TCF7L2: variants seen among roughly 807,000 people sequenced by gnomAD.
The protein encoded by TCF7L2 is transcription factor 7-like 2.
Under a neutral mutation model 77.9 loss-of-function variants are expected in TCF7L2, and 23 were observed. The observed-to-expected ratio is 0.30, with a 90% CI of 0.21 to 0.42. The LOEUF is 0.42. TCF7L2 is among the 10% of genes least tolerant of loss of function. The probability of loss-of-function intolerance (pLI) is 1.00; values close to 1 mark genes in which losing one functional copy is unlikely to be tolerated. For missense variants in TCF7L2, 654 were observed against 793.1 expected (o/e 0.82, Z 2.11); for synonymous variants, 413 against 340.2 (o/e 1.21, Z -2.36).
rs2035113918 is a variant in TCF7L2, at chr10:112,961,265, C to CCT, written c.382-3290_382-3289insTC. Among the ~76,000 whole-genome samples, 3 of 134,918 alleles carry CCT rather than the reference C, an allele frequency of 2.2e-5. No individual in the cohort carries two copies. The South Asian group carries it at 7.8e-4, about 35-fold the overall frequency. 88.5% of individuals were successfully genotyped at this position (134,918 alleles called of 152,430 possible). ...CCCGACCTCAGGTGACCCCCCCCCC[C>CCT]CCAACCTCGGCCTTCCAAAGCGCTG... is the stretch of plus-strand genomic sequence containing the variant. On this transcript the variant is annotated intron_variant, in intron 3 of 13. Transcript: ENST00000627217.
At chr10:113,002,958 A>G (rs1406955978) in intron 4 of TCF7L2, among the ~76,000 whole-genome samples, 4 of 152,198 alleles carry the variant, frequency 2.6e-5, no homozygotes, top group African/African-American at 9.7e-5. Context: ...TGTTCTGTGC[A>G]TGGATATGTG....
At position 113,117,434 on chromosome 10, in the gene TCF7L2, CCT is replaced by C. The variant is rs869299420; in HGVS notation, c.553-23727_553-23726del. Among the ~76,000 whole-genome samples the C allele has an allele frequency of 5.7e-3, 226 of 39,776 alleles. 17 individuals carry two copies. The highest frequency in any genetic ancestry group is 0.01 in the Admixed American group (38 of 3,736). The allele number at this position is 39,776 out of a possible 152,430, so 26.1% of individuals were successfully genotyped here. ...CTCTCTCTCTCTCTCTCTCTCTCTCCCTCTCTCTCTCTCTCTCTCTCTCTTCT... is the reference window on the plus strand; with the variant it reads ...CTCTCTCTCTCTCTCTCTCTCTCTCCCTCTCTCTCTCTCTCTCTCTCTTCT... On this transcript the variant is annotated intron_variant, in intron 5 of 13. Transcript: ENST00000627217.
chr10:113,157,881 T>C, intron 11 of TCF7L2, 140 bp from the exon 12 acceptor site: 1 of 840,902 alleles, frequency 1.2e-6, no homozygotes, highest in Non-Finnish European at 1.9e-6. Flanking sequence ...GGGTTGGAGG[T>C]TGGACAAATA....
At chr10:112,991,562 GA>G (rs2042554248) in intron 4 of TCF7L2, among the ~76,000 whole-genome samples, 1 of 151,104 alleles carries the variant, frequency 6.6e-6, no homozygotes, top group South Asian at 2.1e-4. Context: ...CCCAGGATGA[GA>G]AGAGCCATGG....
intron 5 of TCF7L2, among the ~76,000 whole-genome samples, chr10:113,083,733 T>C (rs984093711): frequency 8.5e-5 from 13 of 152,246 alleles, no homozygotes; most frequent in Non-Finnish European, 1.3e-4. Context: ...GGATGTTACC[T>C]TCTCACCAAT....
At chr10:113,160,435 T>C (rs1214484100) in intron 12 of TCF7L2, among the ~76,000 whole-genome samples, 3 of 152,148 alleles carry the variant, frequency 2.0e-5, no homozygotes, top group African/African-American at 7.2e-5. Flanking sequence ...TTTATTGTTT[T>C]ATTTTATTAT....
chr10:113,107,123 T>C (rs2062428595), intron 5 of TCF7L2, among the ~76,000 whole-genome samples: 1 of 152,236 alleles, frequency 6.6e-6, no homozygotes, highest in Non-Finnish European at 1.5e-5. Flanking sequence ...CAGCCCATCA[T>C]GGGAGTGAAA....
At chr10:112,966,861 T>A (rs1333448054) in intron 4 of TCF7L2, among the ~76,000 whole-genome samples, 1 of 152,144 alleles carries the variant, frequency 6.6e-6, no homozygotes, top group East Asian at 1.9e-4. Context: ...CATGAACAGG[T>A]AGTATTGTTC....
chr10:113,058,829 T>G (rs998821168), intron 5 of TCF7L2, among the ~76,000 whole-genome samples: 5 of 152,166 alleles, frequency 3.3e-5, no homozygotes, highest in Admixed American at 3.3e-4. Context: ...CGTTGCTGCT[T>G]TTATTCCTCG....
In TCF7L2 at chr10:113,134,902, G is replaced by T. The variant is rs1003293169; in HGVS notation, c.553-6282G>T. 5.9e-5 allele frequency among the ~76,000 whole-genome samples: 9 copies of T among 152,158 alleles called. No homozygotes were observed. The South Asian group carries it at 1.9e-3, about 32-fold the overall frequency. On this transcript the variant is annotated intron_variant, in intron 5 of 13. Coordinates refer to ENST00000627217, the MANE Select transcript of TCF7L2 (RefSeq NM_001146274.2). ...GTTTTATTGTGCAGAGCTCCTAAAG[G>T]CACTTTCTGGCCCCATTTTGCTTCT... is the stretch of plus-strand genomic sequence containing the variant.
chr10:113,129,023 C>G (rs1237012521), intron 5 of TCF7L2, among the ~76,000 whole-genome samples: 1 of 152,012 alleles, frequency 6.6e-6, no homozygotes, highest in Non-Finnish European at 1.5e-5. Flanking sequence ...AGTTAGCATT[C>G]TGACTATTGG....
chr10:113,045,996 T>G (rs2053379753), intron 5 of TCF7L2, among the ~76,000 whole-genome samples: 1 of 152,054 alleles, frequency 6.6e-6, no homozygotes, highest in African/African-American at 2.4e-5. Context: ...GGCAATCAGG[T>G]TATCTTTTGG....
intron 5 of TCF7L2, among the ~76,000 whole-genome samples, chr10:113,045,326 G>T (rs35037317): frequency 6.6e-6 from 1 of 152,194 alleles, no homozygotes; most frequent in Admixed American, 6.5e-5. Flanking sequence ...TAGGCCCAGG[G>T]AGGTGGGGAT....
At chr10:112,978,561 GT>G (rs2039874183) in intron 4 of TCF7L2, among the ~76,000 whole-genome samples, 1 of 151,358 alleles carries the variant, frequency 6.6e-6, no homozygotes, top group South Asian at 2.1e-4. Flanking sequence ...TGCCTCCTGG[GT>G]TCATGCGATT....
At chr10:112,974,893 A>C (rs1192243269) in intron 4 of TCF7L2, among the ~76,000 whole-genome samples, 1 of 152,226 alleles carries the variant, frequency 6.6e-6, no homozygotes, top group African/African-American at 2.4e-5. Context: ...TATCAGGCTT[A>C]GTAGTTAATT....
At chr10:112,951,139 T>C (rs2030960730) in intron 1 of TCF7L2, 68 bp from the exon 2 acceptor site, 22 of 1,383,548 alleles carry the variant, frequency 1.6e-5, no homozygotes, top group South Asian at 1.2e-4. Flanking sequence ...CGATTCTTTT[T>C]CTCCCCCTTC....
intron 3 of TCF7L2, among the ~76,000 whole-genome samples, chr10:112,962,594 T>C (rs1286972819): frequency 1.3e-5 from 2 of 152,100 alleles, no homozygotes; most frequent in Admixed American, 1.3e-4. Flanking sequence ...ACTTTACTTA[T>C]TTATTTTTAT....
chr10:113,159,796 T>C (rs1239108086), intron 12 of TCF7L2, 124 bp from the exon 14 acceptor site: 1 of 681,258 alleles, frequency 1.5e-6, no homozygotes, highest in Non-Finnish European at 2.6e-6. Flanking sequence ...TTCCCTTTTT[T>C]ATTTTTATTT....
chr10:113,085,621 T>A (rs1591502453), intron 5 of TCF7L2, among the ~76,000 whole-genome samples: 1 of 152,232 alleles, frequency 6.6e-6, no homozygotes, highest in Admixed American at 6.5e-5. Context: ...CAAATATTAC[T>A]ACGACTTTAT....
Sources: gnomAD v4.1 joint callset for allele counts (sites outside exome capture counted in the v4.1 genomes callset) on GRCh38, gnomAD v4.1.1 for gene constraint, MANE v1.5 for transcripts, NCBI Gene and HGNC (gene_info 2026-07-23, HGNC 2026-07-21) for gene names.